The following IHO1 variants were observed in gnomAD, a reference collection of about 807,000 sequenced individuals.
IHO1 encodes the protein interactor of HORMAD1 protein 1.
IHO1 carries 13 observed loss-of-function variants against 31.0 expected under a neutral mutation model. The observed-to-expected ratio is 0.42, with a 90% CI of 0.27 to 0.67. The LOEUF is 0.67. Among genes scored for constraint, IHO1 ranks in the 30% least tolerant of loss-of-function variants. The pLI, the probability that IHO1 is intolerant of heterozygous loss-of-function variation, is 0.24. For missense variants in IHO1, 599 were observed against 687.5 expected (o/e 0.87, Z 1.44); for synonymous variants, 221 against 248.4 (o/e 0.89, Z 1.04).
chr3:49,226,313 G>C (rs1454035219), intron 2 of IHO1, among the ~76,000 whole-genome samples: 1 of 152,124 alleles, frequency 6.6e-6, no homozygotes, highest in Non-Finnish European at 1.5e-5. Context: ...ACTTTCTCCT[G>C]ATATCTGCAA....
chr3:49,250,762 C>T (rs2046750247), intron 6 of IHO1, among the ~76,000 whole-genome samples: 1 of 152,098 alleles, frequency 6.6e-6, no homozygotes, highest in South Asian at 2.1e-4. Flanking sequence ...CCAGACACAG[C>T]AGCTCACGCC....
chr3:49,198,984 T>C (rs1298122952), upstream of IHO1: 1 of 152,656 alleles, frequency 6.6e-6, no homozygotes, highest in African/African-American at 2.4e-5. Flanking sequence ...GTATCATCTG[T>C]GCTCTGGCCC....
chr3:49,230,525 T>C (rs979507039), intron 2 of IHO1, among the ~76,000 whole-genome samples: 30 of 152,234 alleles, frequency 2.0e-4, no homozygotes, highest in Admixed American at 2.0e-3. Flanking sequence ...TTGCCGGACT[T>C]ATGTAGGGCA....
In IHO1 at chr3:49,256,379, A is replaced by G; in HGVS notation, c.882A>G (p.Pro294=). Residue 294 remains proline (P), a synonymous_variant, in exon 8 of 8, where the codon CCA becomes CCG. Transcript: ENST00000452691. This position sits in a 1 kb window ranked among gnomAD's most constrained non-coding sequence, Gnocchi z 4.6. ...AGGAAAAATACACCTCTGAGAAACC[A>G]GTTTTATGGCAGGCCCAGGCCCTCC... The part of the protein sequence containing the change: ...TRQEKYTSEK[P]VLWQAQALPA... 1 of 1,614,172 alleles carries G rather than the reference A, an allele frequency of 6.2e-7. No individual in the cohort carries two copies. Among genetic ancestry groups the G allele is most frequent in the South Asian group, 1.1e-5 (1 of 91,080 alleles).
upstream of IHO1, among the ~76,000 whole-genome samples, chr3:49,194,732 C>T (rs1288163035): frequency 6.8e-6 from 1 of 147,854 alleles, no homozygotes; most frequent in Non-Finnish European, 1.5e-5. Flanking sequence ...CCCATCACTA[C>T]AAAAAATACA....
At chr3:49,216,156 T>A (rs890658957) in intron 2 of IHO1, among the ~76,000 whole-genome samples, 2 of 152,214 alleles carry the variant, frequency 1.3e-5, no homozygotes, top group South Asian at 4.1e-4. Context: ...AATGCAGCAG[T>A]CCCTAACCTT....
chr3:49,250,887 G>C (rs1179544551), intron 6 of IHO1, among the ~76,000 whole-genome samples: 1 of 151,850 alleles, frequency 6.6e-6, no homozygotes, highest in Admixed American at 6.6e-5. Flanking sequence ...AAAATTAGCC[G>C]GGCGTGGTGG....
intron 1 of IHO1, among the ~76,000 whole-genome samples, chr3:49,201,308 T>A (rs566662943): frequency 1.3e-5 from 2 of 151,650 alleles, no homozygotes; most frequent in African/African-American, 2.4e-5. Context: ...CCACAATTTT[T>A]AAAAATTGGG....
intron 1 of IHO1, among the ~76,000 whole-genome samples, chr3:49,209,211 G>C (rs533058925): frequency 2.6e-5 from 4 of 152,248 alleles, no homozygotes; most frequent in South Asian, 2.1e-4. Context: ...CAACATTAAG[G>C]GGGGAGTTTG....
intron 2 of IHO1, among the ~76,000 whole-genome samples, chr3:49,220,585 C>G (rs2046342320): frequency 6.6e-6 from 1 of 152,044 alleles, no homozygotes; most frequent in Admixed American, 6.6e-5. Flanking sequence ...TGGTGCAGAC[C>G]CAGCCAGCCA....
chr3:49,224,359 C>A (rs1476872463), intron 2 of IHO1, among the ~76,000 whole-genome samples: 3 of 152,214 alleles, frequency 2.0e-5, no homozygotes, highest in African/African-American at 7.2e-5. Flanking sequence ...CCTCACCTTT[C>A]TGATGGCTTT....
At chr3:49,243,173 C>T (rs1392391782) in intron 4 of IHO1, among the ~76,000 whole-genome samples, 1 of 152,014 alleles carries the variant, frequency 6.6e-6, no homozygotes, top group Admixed American at 6.6e-5. Context: ...GATGGAGTCT[C>T]ACTCTGTTGC....
At chr3:49,194,372 C>T (rs1346217356), upstream of IHO1, among the ~76,000 whole-genome samples, 4 of 142,462 alleles carry the variant, frequency 2.8e-5, no homozygotes, top group African/African-American at 5.1e-5. Flanking sequence ...GGTGTGATCT[C>T]GGCTCACTGC....
At chr3:49,192,039 G>T in the IHO1 span, among the ~76,000 whole-genome samples, 1 of 152,172 alleles carries the variant, frequency 6.6e-6, no homozygotes, top group Non-Finnish European at 1.5e-5. Context: ...AGGGCTCCAT[G>T]GTAGAGTCTA....
chr3:49,249,783 C>G (rs1260864649), intron 6 of IHO1, among the ~76,000 whole-genome samples: 1 of 152,118 alleles, frequency 6.6e-6, no homozygotes, highest in Non-Finnish European at 1.5e-5. Context: ...AAGAGTATCC[C>G]TAAAAAAGTT....
At chr3:49,207,600 C>T (rs981970915) in intron 1 of IHO1, among the ~76,000 whole-genome samples, 2 of 152,030 alleles carry the variant, frequency 1.3e-5, no homozygotes, top group Non-Finnish European at 2.9e-5. Flanking sequence ...GGAATATTAA[C>T]CAGGTATTCT....
chr3:49,255,569 T>C, intron 7 of IHO1, 76 bp downstream of exon 7: 2 of 993,828 alleles, frequency 2.0e-6, no homozygotes, highest in East Asian at 2.7e-5. Context: ...TTTTTTTTTT[T>C]TTTTTTTTTT....
At chr3:49,196,966 G>A (rs186772725), upstream of IHO1, among the ~76,000 whole-genome samples, 265 of 139,986 alleles carry the variant, frequency 1.9e-3, 6 homozygotes, top group Middle Eastern at 9.3e-3. Context: ...CACTGCGCCA[G>A]GCCACGTTTT....
Position 49,201,610 on chromosome 3 carries a change from G to A in IHO1, c.-16+2037G>A, listed in dbSNP as rs112382492. On this transcript the variant is annotated intron_variant, in intron 1 of 7. Coordinates refer to ENST00000452691, the MANE Select transcript of IHO1 (RefSeq NM_001135197.2). ...TCCACTCCAGGCTGGTCGACAAAGC[G>A]AGACTGCATCCCAAAAAAAATTGGG... Among the ~76,000 whole-genome samples the A allele has an allele frequency of 4.3e-3, 660 of 152,004 alleles. 4 individuals are homozygous for A. Among genetic ancestry groups the A allele is most frequent in the African/African-American group, 0.011 (455 of 41,506 alleles).
Sources: gnomAD v4.1 joint callset for allele counts (sites outside exome capture counted in the v4.1 genomes callset) on GRCh38, gnomAD v4.1.1 for gene constraint, Gnocchi (gnomAD v3.1) non-coding constraint, MANE v1.5 for transcripts, NCBI Gene and HGNC (gene_info 2026-07-23, HGNC 2026-07-21) for gene names.